RABEP1: variants seen among roughly 807,000 people sequenced by gnomAD.
RABEP1 encodes the protein rab GTPase-binding effector protein 1.
RABEP1 carries 51 observed loss-of-function variants against 123.4 expected under a neutral mutation model. The ratio of observed to expected loss-of-function variants is 0.41; its 90% confidence interval spans 0.33 to 0.52. RABEP1 has a LOEUF of 0.52. Ranked by LOEUF, RABEP1 falls within the 20% of genes least tolerant of loss-of-function variation. The probability of loss-of-function intolerance (pLI) is 0.16; values close to 1 mark genes in which losing one functional copy is unlikely to be tolerated. For missense variants in RABEP1, 888 were observed against 996.3 expected (o/e 0.89, Z 1.46); for synonymous variants, 347 against 355.2 (o/e 0.98, Z 0.26).
chr17:5,307,709 C>T (rs1349797754), intron 1 of RABEP1, among the ~76,000 whole-genome samples: 2 of 152,104 alleles, frequency 1.3e-5, no homozygotes, highest in African/African-American at 4.8e-5. Flanking sequence ...TGGGTTTGGT[C>T]AGGGAAGGCA....
intron 5 of RABEP1, among the ~76,000 whole-genome samples, chr17:5,339,345 G>A (rs977371881): frequency 6.6e-5 from 10 of 152,008 alleles, no homozygotes; most frequent in African/African-American, 1.9e-4. Flanking sequence ...AAACCACAAG[G>A]TAAGACTGAA....
chr17:5,307,737 G>A (rs1168714864), intron 1 of RABEP1, among the ~76,000 whole-genome samples: 1 of 152,130 alleles, frequency 6.6e-6, no homozygotes, highest in South Asian at 2.1e-4. Flanking sequence ...AACCAGCTGT[G>A]TCCAAATTAT....
chr17:5,380,544 T>C (rs1310785167), intron 16 of RABEP1, 82 bp downstream of exon 16: 2 of 1,183,916 alleles, frequency 1.7e-6, no homozygotes, highest in Admixed American at 2.0e-5. Flanking sequence ...AAAAAAAATA[T>C]TGGTGCTTTG....
intron 2 of RABEP1, among the ~76,000 whole-genome samples, chr17:5,311,927 A>G (rs143462880): frequency 1.4e-3 from 219 of 152,288 alleles, no homozygotes; most frequent in African/African-American, 4.8e-3. Context: ...AAATAGAAAC[A>G]GAGTTTTATT....
chr17:5,382,930 C>A (rs1008296944), intron 17 of RABEP1, among the ~76,000 whole-genome samples, 192 bp from the exon 18 acceptor site: 3 of 151,200 alleles, frequency 2.0e-5, no homozygotes, highest in Middle Eastern at 3.2e-3. Flanking sequence ...CTCTCCCCCC[C>A]AAAAAAAAAT....
intron 2 of RABEP1, 117 bp downstream of exon 2, chr17:5,308,939 T>C: frequency 9.4e-7 from 1 of 1,066,430 alleles, no homozygotes. Context: ...TGTACTTGCA[T>C]AATAAAAGAA....
At chr17:5,297,797 A>ATTTAATTTAATTTG (rs1411667338) in intron 1 of RABEP1, among the ~76,000 whole-genome samples, 3 of 152,196 alleles carry the variant, frequency 2.0e-5, no homozygotes, top group Non-Finnish European at 4.4e-5. Flanking sequence ...CTGGGATTCA[A>ATTTAATTTAATTTG]ACCCTAGTTT....
chr17:5,384,383 A>G lies in RABEP1; in HGVS notation c.*1160A>G, dbSNP rs891613604. On this transcript the variant is annotated 3_prime_UTR_variant, in exon 18 of 18. Coordinates refer to ENST00000537505, the MANE Select transcript of RABEP1 (RefSeq NM_004703.6). ...GATTCATGTTCATCAATACCTGCTGAGAGTACTGTCCCAGGAATATCCAGT... is the reference window on the plus strand; with the variant it reads ...GATTCATGTTCATCAATACCTGCTGGGAGTACTGTCCCAGGAATATCCAGT... The G allele has an allele frequency of 2.3e-5, 5 of 212,832 alleles. No individual in the cohort carries two copies. The highest frequency in any genetic ancestry group is 3.8e-5 in the Non-Finnish European group (4 of 105,282). 13.2% of individuals were successfully genotyped at this position (212,832 alleles called of 1,614,324 possible).
Position 5,310,301 on chromosome 17 carries a change from CTT to C in RABEP1, c.163+1496_163+1497del, listed in dbSNP as rs11432831. Reference sequence around the variant, plus strand: ...TTACAATTTAAATGAAAGCTTCGTCCTTTTTTTTTTTTTTTTTTGAGATGGGA... The same window carrying C: ...TTACAATTTAAATGAAAGCTTCGTCCTTTTTTTTTTTTTTTTGAGATGGGA... On this transcript the variant is annotated intron_variant, in intron 2 of 17. Coordinates refer to ENST00000537505, the MANE Select transcript of RABEP1 (RefSeq NM_004703.6). 1.1e-4 allele frequency among the ~76,000 whole-genome samples: 14 copies of C among 126,404 alleles called. No individual in the cohort carries two copies. The South Asian group carries it at 2.0e-3, about 18-fold the overall frequency. The allele number at this position is 126,404 out of a possible 152,430, so 82.9% of individuals were successfully genotyped here.
intron 4 of RABEP1, 112 bp from the exon 5 acceptor site, chr17:5,337,907 A>G (rs1907241801): frequency 8.5e-7 from 1 of 1,180,922 alleles, no homozygotes; most frequent in African/African-American, 1.6e-5. Flanking sequence ...ATATTAATAT[A>G]GTGTCTGGTC....
At chr17:5,321,049 C>T (rs2075350721) in intron 2 of RABEP1, among the ~76,000 whole-genome samples, 1 of 152,212 alleles carries the variant, frequency 6.6e-6, no homozygotes, top group South Asian at 2.1e-4. Flanking sequence ...GTGGCTCATG[C>T]CTGTAATCCC....
At chr17:5,341,039 ACTAT>A (rs1907561093) in intron 5 of RABEP1, among the ~76,000 whole-genome samples, 1 of 152,088 alleles carries the variant, frequency 6.6e-6, no homozygotes, top group Non-Finnish European at 1.5e-5. Flanking sequence ...AACAATAGAG[ACTAT>A]CAATATAATG....
At chr17:5,343,483 C>A (rs1907789787) in intron 5 of RABEP1, among the ~76,000 whole-genome samples, 1 of 151,866 alleles carries the variant, frequency 6.6e-6, no homozygotes, top group Non-Finnish European at 1.5e-5. Flanking sequence ...TCACTTGAAC[C>A]CAGGAGGTGG....
At chr17:5,286,540 T>C (rs1260203744) in intron 1 of RABEP1, among the ~76,000 whole-genome samples, 1 of 152,188 alleles carries the variant, frequency 6.6e-6, no homozygotes, top group Non-Finnish European at 1.5e-5. Context: ...TTTGTGTGCC[T>C]ATTCTATGCC....
At chr17:5,294,782 G>A (rs2075066446) in intron 1 of RABEP1, among the ~76,000 whole-genome samples, 1 of 150,338 alleles carries the variant, frequency 6.7e-6, no homozygotes, top group Non-Finnish European at 1.5e-5. Context: ...CGAGTAGCTG[G>A]GACTACAGGC....
At chr17:5,380,694 G>A (rs1239268995) in intron 16 of RABEP1, among the ~76,000 whole-genome samples, 1 of 152,242 alleles carries the variant, frequency 6.6e-6, no homozygotes, top group Non-Finnish European at 1.5e-5. Flanking sequence ...CAGATAGTAG[G>A]CAGTCAGGGC....
intron 5 of RABEP1, among the ~76,000 whole-genome samples, chr17:5,344,645 A>G (rs1597372987): frequency 1.4e-5 from 2 of 147,012 alleles, no homozygotes; most frequent in South Asian, 2.2e-4. Context: ...GGTGGCGGGC[A>G]CCTGTAGTCC....
chr17:5,299,176 G>T (rs2075110275), intron 1 of RABEP1, among the ~76,000 whole-genome samples: 1 of 152,102 alleles, frequency 6.6e-6, no homozygotes, highest in Admixed American at 6.6e-5. Flanking sequence ...TACCCAAACT[G>T]TCTCATTTTT....
chr17:5,356,004 C>G (rs1391002894), intron 8 of RABEP1, among the ~76,000 whole-genome samples: 1 of 152,152 alleles, frequency 6.6e-6, no homozygotes, highest in African/African-American at 2.4e-5. Flanking sequence ...AGGAAAGGGA[C>G]ATTTGTTGTG....
Sources: allele counts gnomAD v4.1 joint callset (sites outside exome capture counted in the v4.1 genomes callset), GRCh38; gene constraint gnomAD v4.1.1; transcripts MANE v1.5; gene names NCBI Gene and HGNC (gene_info 2026-07-23, HGNC 2026-07-21).